TAF3: variants seen among roughly 807,000 people sequenced by gnomAD.
TAF3 encodes TATA-box binding protein associated factor 3.
In TAF3, 7 loss-of-function variants were observed where a neutral mutation model predicts 80.6. The observed-to-expected ratio is 0.09, with a 90% CI of 0.05 to 0.16. The LOEUF is 0.16. Ranked by LOEUF, TAF3 falls within the 10% of genes least tolerant of loss-of-function variation. The pLI is 1.00. For synonymous variants in TAF3, 444 were observed against 446.1 expected, an observed-to-expected ratio of 1.00 and a Z score of 0.06; for missense variants, 921 against 1,140.2, an observed-to-expected ratio of 0.81 and a Z score of 2.77.
At position 7,965,017 on chromosome 10, in the gene TAF3, G is replaced by C. The variant is rs1269117807; in HGVS notation, c.1507G>C (p.Glu503Gln). 1 of 1,613,858 alleles carries C rather than the reference G, an allele frequency of 6.2e-7. No homozygotes were observed. The highest frequency in any genetic ancestry group is 1.7e-5 in the Admixed American group (1 of 59,998). ...TCCGTCAGTGTCTCCTCCCACTCCCGAACCTCTCCACAAGGTGTATGAGGA... is the reference window on the plus strand; with the variant it reads ...TCCGTCAGTGTCTCCTCCCACTCCCCAACCTCTCCACAAGGTGTATGAGGA... The part of the protein sequence containing the change: ...SSPSVSPPTP[E>Q]PLHKVYEEKT... Residue 503 changes from glutamate to glutamine, a missense_variant, in exon 3 of 7, where the codon GAA (glutamate) becomes CAA (glutamine). Physicochemically the swap from Glu to Gln is conservative, Grantham distance 29. This residue lies in a region of TAF3 where 743 missense variants were observed against 821.0 expected (regional missense o/e 0.90). Transcript: ENST00000344293.
chr10:7,948,762 A>T (rs886700925), intron 2 of TAF3, among the ~76,000 whole-genome samples: 1 of 152,228 alleles, frequency 6.6e-6, no homozygotes, highest in Non-Finnish European at 1.5e-5. Flanking sequence ...CAAATTTATC[A>T]CTGGGTACTG....
chr10:7,972,929 T>C (rs1012326172), intron 3 of TAF3, among the ~76,000 whole-genome samples: 1 of 152,148 alleles, frequency 6.6e-6, no homozygotes. Context: ...ACAAATAAAG[T>C]GAATAGCTCC....
chr10:8,007,562 TTATATATATATATA>T (rs34833399), intron 4 of TAF3, among the ~76,000 whole-genome samples: 16,247 of 60,484 alleles, frequency 0.27, 2,492 homozygotes, highest in Non-Finnish European at 0.34. Flanking sequence ...GTGTGTGAAA[TTATATATATATATA>T]TATATATATA....
At chr10:7,879,836 T>G (rs1287599654) in intron 2 of TAF3, among the ~76,000 whole-genome samples, 1 of 152,216 alleles carries the variant, frequency 6.6e-6, no homozygotes, top group Non-Finnish European at 1.5e-5. Flanking sequence ...AAATACATAT[T>G]TGGATTTTTA....
intron 2 of TAF3, among the ~76,000 whole-genome samples, chr10:7,832,314 T>G (rs1836809182): frequency 1.3e-5 from 2 of 152,196 alleles, no homozygotes; most frequent in Admixed American, 1.3e-4. Context: ...TGTGCCTGGC[T>G]TACTTCACTT....
intron 2 of TAF3, among the ~76,000 whole-genome samples, chr10:7,932,669 ATTTTTTTTTTTTTT>A (rs34907761): frequency 1.3e-5 from 1 of 78,820 alleles, no homozygotes; most frequent in East Asian, 3.7e-4. Context: ...GTTCCACTTA[ATTTTTTTTTTTTTT>A]TTTTTTTTTT....
intron 2 of TAF3, among the ~76,000 whole-genome samples, chr10:7,897,658 C>CTCTT (rs756881657): frequency 2.0e-5 from 3 of 150,818 alleles, no homozygotes; most frequent in South Asian, 4.2e-4. Context: ...CTCTCTCTCT[C>CTCTT]TCTTTCTTTC....
At chr10:7,868,940 C>G (rs1396916267) in intron 2 of TAF3, among the ~76,000 whole-genome samples, 1 of 152,090 alleles carries the variant, frequency 6.6e-6, no homozygotes, top group African/African-American at 2.4e-5. Context: ...TTATGAAGGT[C>G]TGACTCCAGA....
At chr10:7,824,155 A>C (rs574138484) in intron 1 of TAF3, among the ~76,000 whole-genome samples, 163 bp from the exon 2 acceptor site, 1 of 152,306 alleles carries the variant, frequency 6.6e-6, no homozygotes, top group African/African-American at 2.4e-5. Context: ...CAGCTTAAAC[A>C]TGATTCTGTG....
At chr10:7,857,459 A>G (rs962109371) in intron 2 of TAF3, among the ~76,000 whole-genome samples, 3 of 152,238 alleles carry the variant, frequency 2.0e-5, no homozygotes, top group Non-Finnish European at 4.4e-5. Flanking sequence ...CAGAGTAGCC[A>G]TGGGTACCCC....
intron 2 of TAF3, among the ~76,000 whole-genome samples, chr10:7,901,848 C>T (rs1837561388): frequency 6.6e-6 from 1 of 152,048 alleles, no homozygotes; most frequent in Non-Finnish European, 1.5e-5. Context: ...ATTTTCATTG[C>T]CTTTCTTTCT....
intron 2 of TAF3, 117 bp downstream of exon 2, chr10:7,824,677 T>C: frequency 7.7e-7 from 1 of 1,302,376 alleles, no homozygotes; most frequent in Non-Finnish European, 1.0e-6. Context: ...AAACATTTAC[T>C]GTTACTTACA....
At chr10:7,998,796 G>A (rs958535249) in intron 4 of TAF3, among the ~76,000 whole-genome samples, 6 of 150,612 alleles carry the variant, frequency 4.0e-5, no homozygotes, top group African/African-American at 9.8e-5. Context: ...CCGGGATCGC[G>A]CCACTGCACT....
At chr10:7,991,985 A>G (rs1831840487) in intron 4 of TAF3, among the ~76,000 whole-genome samples, 1 of 152,222 alleles carries the variant, frequency 6.6e-6, no homozygotes. Flanking sequence ...GATCCTAAAA[A>G]TAAAAAGTAA....
intron 2 of TAF3, among the ~76,000 whole-genome samples, chr10:7,904,570 TAAC>T (rs893659286): frequency 1.1e-4 from 17 of 151,902 alleles, no homozygotes; most frequent in Non-Finnish European, 2.5e-4. Context: ...ATGAGTGAAA[TAAC>T]AAAGGAAGGA....
chr10:7,949,090 C>T lies in TAF3; in HGVS notation c.410-14830C>T, dbSNP rs147213291. ...GGATGATTTCCCATTACTTTTTTAT[C>T]GACTGCTCTTGATGATCCTGTGAAG... On this transcript the variant is annotated intron_variant, in intron 2 of 6. Coordinates refer to ENST00000344293, the MANE Select transcript of TAF3 (RefSeq NM_031923.4). Among the ~76,000 whole-genome samples, 19 of 152,266 alleles carry T rather than the reference C, an allele frequency of 1.2e-4. No individual in the cohort carries two copies. In the Middle Eastern group the frequency reaches 0.014, roughly 109 times the overall value.
chr10:7,951,824 C>G (rs1277875097), intron 2 of TAF3, among the ~76,000 whole-genome samples: 1 of 152,170 alleles, frequency 6.6e-6, no homozygotes, highest in Non-Finnish European at 1.5e-5. Flanking sequence ...AACTGAAGTT[C>G]AGAAGGATGA....
chr10:7,858,712 G>A (rs147897949), intron 2 of TAF3, among the ~76,000 whole-genome samples: 3 of 152,232 alleles, frequency 2.0e-5, no homozygotes, highest in Non-Finnish European at 2.9e-5. Context: ...AACCGTGGCC[G>A]GGACATATTC....
At chr10:7,906,818 A>G (rs1431687384) in intron 2 of TAF3, among the ~76,000 whole-genome samples, 2 of 150,922 alleles carry the variant, frequency 1.3e-5, no homozygotes, top group Non-Finnish European at 3.0e-5. Flanking sequence ...CCAGGGCTCA[A>G]CTGATCCTCC....
Sources: allele counts gnomAD v4.1 joint callset (sites outside exome capture counted in the v4.1 genomes callset), GRCh38; gene constraint gnomAD v4.1.1; regional missense constraint gnomAD v4.1.1; transcripts MANE v1.5; gene names NCBI Gene and HGNC (gene_info 2026-07-23, HGNC 2026-07-21).